ABCA13: variants seen among roughly 807,000 people sequenced by gnomAD.
ABCA13 encodes ATP binding cassette subfamily A member 13.
Under a neutral mutation model 478.7 loss-of-function variants are expected in ABCA13, and 476 were observed. The observed-to-expected ratio is 0.99, with a 90% CI of 0.92 to 1.07. The LOEUF (loss-of-function observed/expected upper bound fraction) is 1.07. Ranked by LOEUF, ABCA13 falls within the 50% of genes least tolerant of loss-of-function variation. ABCA13 has a pLI of 0.00. For missense variants in ABCA13, 6,060 were observed against 5,910.6 expected (o/e 1.03, Z -0.83); for synonymous variants, 2,252 against 2,158.9 (o/e 1.04, Z -1.20).
chr7:48,235,773 G>T (rs1353220191), intron 8 of ABCA13, among the ~76,000 whole-genome samples: 2 of 152,182 alleles, frequency 1.3e-5, no homozygotes, highest in African/African-American at 4.8e-5. Context: ...AGGAAAACCA[G>T]TTATTGTGTA....
chr7:48,216,287 G>C (rs1786463932), intron 3 of ABCA13, among the ~76,000 whole-genome samples: 1 of 152,074 alleles, frequency 6.6e-6, no homozygotes, highest in Non-Finnish European at 1.5e-5. Flanking sequence ...TAGCCATCTA[G>C]GTGGATATAA....
At chr7:48,428,878 C>T (rs914005435) in intron 42 of ABCA13, among the ~76,000 whole-genome samples, 1 of 152,200 alleles carries the variant, frequency 6.6e-6, no homozygotes, top group Non-Finnish European at 1.5e-5. Context: ...CTGCATTCAT[C>T]ACCACAATCA....
intron 1 of ABCA13, among the ~76,000 whole-genome samples, chr7:48,191,587 TG>T (rs1797115086): frequency 6.6e-6 from 1 of 152,130 alleles, no homozygotes; most frequent in Non-Finnish European, 1.5e-5. Context: ...TTTGTATTTT[TG>T]GTAGAGATGC....
intron 42 of ABCA13, among the ~76,000 whole-genome samples, chr7:48,438,830 A>G (rs1823195255): frequency 6.6e-6 from 1 of 151,400 alleles, no homozygotes; most frequent in African/African-American, 2.4e-5. Context: ...CTTTGTTGCT[A>G]ACAAATTCTG....
chr7:48,422,293 A>G (rs1028860283), intron 41 of ABCA13, among the ~76,000 whole-genome samples: 15 of 151,922 alleles, frequency 9.9e-5, no homozygotes, highest in Admixed American at 1.3e-4. Context: ...GAACAGTCTC[A>G]TGGTCTAAGC....
In ABCA13 at chr7:48,288,003, T is replaced by C. The variant is rs1193997413; in HGVS notation, c.8880T>C (p.Ser2960=). 1 of 1,613,868 alleles carries C rather than the reference T, an allele frequency of 6.2e-7. No individual in the cohort carries two copies. Among genetic ancestry groups the C allele is most frequent in the African/African-American group, 1.3e-5 (1 of 74,922 alleles). ...AGGACATTTTGTGTGCTACTCTGAGTTGCAAGCAAAATGGGATAAGGCATC... is the reference window on the plus strand; with the variant it reads ...AGGACATTTTGTGTGCTACTCTGAGCTGCAAGCAAAATGGGATAAGGCATC... ...WTKDILCATL[S]CKQNGIRHLI... Residue 2960 remains serine, a synonymous_variant, in exon 20 of 62, where the codon AGT becomes AGC. Transcript: ENST00000435803.
chr7:48,341,892 ATATCTTT>A (rs1563084793), intron 29 of ABCA13, among the ~76,000 whole-genome samples: 4 of 83,470 alleles, frequency 4.8e-5, no homozygotes, highest in Admixed American at 1.3e-4. Flanking sequence ...ATATATATAT[ATATCTTT>A]CTGATATATA....
At chr7:48,317,941 T>C (rs1802832581) in intron 27 of ABCA13, among the ~76,000 whole-genome samples, 1 of 152,220 alleles carries the variant, frequency 6.6e-6, no homozygotes, top group African/African-American at 2.4e-5. Flanking sequence ...AATTGTGTTG[T>C]ATTTTCCTGG....
chr7:48,465,883 T>C (rs1443199842), intron 43 of ABCA13, among the ~76,000 whole-genome samples: 1 of 152,142 alleles, frequency 6.6e-6, no homozygotes, highest in Non-Finnish European at 1.5e-5. Flanking sequence ...ATGTAGCTAA[T>C]GTTTTAAGTT....
At chr7:48,523,491 A>G (rs1832693254) in intron 53 of ABCA13, among the ~76,000 whole-genome samples, 1 of 152,024 alleles carries the variant, frequency 6.6e-6, no homozygotes, top group Non-Finnish European at 1.5e-5. Context: ...TTACATGGCA[A>G]TTTACACTGT....
At chr7:48,343,726 T>C (rs961752821) in intron 29 of ABCA13, among the ~76,000 whole-genome samples, 8 of 152,064 alleles carry the variant, frequency 5.3e-5, no homozygotes, top group Non-Finnish European at 1.2e-4. Flanking sequence ...ATGTGTAGAC[T>C]TTTTTAAACT....
intron 43 of ABCA13, among the ~76,000 whole-genome samples, chr7:48,458,591 A>G (rs1332674505): frequency 2.0e-5 from 3 of 152,260 alleles, no homozygotes; most frequent in Non-Finnish European, 4.4e-5. Context: ...CTAAAATTTT[A>G]GAGTTGAGAA....
chr7:48,389,108 A>T lies in ABCA13; in HGVS notation c.11542A>T (p.Thr3848Ser), dbSNP rs1815643055. The T allele has an allele frequency of 6.2e-7, 1 of 1,613,954 alleles. No individual in the cohort carries two copies. Among genetic ancestry groups the T allele is most frequent in the Non-Finnish European group, 8.5e-7 (1 of 1,179,870 alleles). The change falls in exon 37 of 62, where the codon ACC becomes TCC. Residue 3848 changes from threonine (T) to serine (S), a missense_variant. This residue lies in a region of ABCA13 where 1,627 missense variants were observed against 1,571.0 expected (regional missense o/e 1.04). Transcript: ENST00000435803. ...SAPGVTLVSV[T>S]KEYEGHKAVV... ...CCCGGGAGTCACCCTGGTGTCTGTG[A>T]CCAAGGAATATGAGGGCCACAAGGC...
chr7:48,475,735 G>A (rs11765607), intron 45 of ABCA13, among the ~76,000 whole-genome samples: 25,421 of 152,030 alleles, frequency 0.17, 2,372 homozygotes, highest in East Asian at 0.23. Context: ...AAGTGCTGGG[G>A]TTGCAGGTGT....
intron 42 of ABCA13, among the ~76,000 whole-genome samples, chr7:48,449,374 T>G (rs1824712919): frequency 6.6e-6 from 1 of 152,194 alleles, no homozygotes; most frequent in South Asian, 2.1e-4. Flanking sequence ...ATTGGCTCTC[T>G]ACTTGGGGAA....
At chr7:48,595,165 A>C (rs1205202333) in intron 58 of ABCA13, among the ~76,000 whole-genome samples, 2 of 152,176 alleles carry the variant, frequency 1.3e-5, no homozygotes, top group African/African-American at 4.8e-5. Context: ...TTTCCATCCA[A>C]GGCCTATTAT....
At chr7:48,640,483 A>C (rs1198399653) in intron 59 of ABCA13, among the ~76,000 whole-genome samples, 1 of 152,214 alleles carries the variant, frequency 6.6e-6, no homozygotes, top group Non-Finnish European at 1.5e-5. Context: ...GTTGTACCTC[A>C]AAAAATTGTA....
chr7:48,495,390 G>T (rs1585586419), intron 48 of ABCA13, among the ~76,000 whole-genome samples: 1 of 151,948 alleles, frequency 6.6e-6, no homozygotes, highest in South Asian at 2.1e-4. Context: ...GGTTCATCAC[G>T]GTCAGTGACC....
At position 48,431,342 on chromosome 7, in the gene ABCA13, AAACAACAAC is replaced by A. The variant is rs56675430; in HGVS notation, c.12565+3510_12565+3518del. Among the ~76,000 whole-genome samples, 840 of 147,920 alleles carry A rather than the reference AAACAACAAC, an allele frequency of 5.7e-3. 4 individuals are homozygous for A. The highest frequency in any genetic ancestry group is 0.011 in the South Asian group (48 of 4,540). ...GGGCAACAGAGGGAGATTCTGTCTC[AAACAACAAC>A]AACAACAACAACAACAACAACAACA... is the stretch of plus-strand genomic sequence containing the variant. On this transcript the variant is annotated intron_variant, in intron 42 of 61. Coordinates refer to ENST00000435803, the MANE Select transcript of ABCA13 (RefSeq NM_152701.5).
Sources: allele counts gnomAD v4.1 joint callset (sites outside exome capture counted in the v4.1 genomes callset), GRCh38; gene constraint gnomAD v4.1.1; regional missense constraint gnomAD v4.1.1; transcripts MANE v1.5; gene names NCBI Gene and HGNC (gene_info 2026-07-23, HGNC 2026-07-21).